The following LAMB3 variants were observed in gnomAD, a reference collection of about 807,000 sequenced individuals.
The protein encoded by LAMB3 is laminin subunit beta 3, also known as laminin subunit beta-3.
Under a neutral mutation model 140.3 loss-of-function variants are expected in LAMB3, and 104 were observed. That is an observed-to-expected ratio of 0.74 (90% CI 0.63 to 0.87). The LOEUF (loss-of-function observed/expected upper bound fraction) is 0.87, where lower values mean the gene tolerates loss of function less well. Ranked by LOEUF, LAMB3 falls within the 40% of genes least tolerant of loss-of-function variation. The pLI is 0.00. For synonymous variants in LAMB3, 592 were observed against 602.9 expected (o/e 0.98, Z 0.26); for missense variants, 1,531 against 1,575.2 (o/e 0.97, Z 0.47).
chr1:209,629,039 C>T (rs1309156601), intron 10 of LAMB3, among the ~76,000 whole-genome samples: 1 of 152,192 alleles, frequency 6.6e-6, no homozygotes, highest in African/African-American at 2.4e-5. Context: ...AGTGACTCAG[C>T]TTTCCCCAAC....
intron 3 of LAMB3, among the ~76,000 whole-genome samples, chr1:209,646,251 C>G (rs760692261): frequency 6.6e-6 from 1 of 152,128 alleles, no homozygotes; most frequent in Non-Finnish European, 1.5e-5. Flanking sequence ...CAGAGATGAC[C>G]GAAGGGCATG....
chr1:209,645,186 T>C (rs1263099271), intron 3 of LAMB3, among the ~76,000 whole-genome samples: 3 of 152,036 alleles, frequency 2.0e-5, no homozygotes, highest in Non-Finnish European at 4.4e-5. Context: ...TTCTATCCCC[T>C]CAAAACAAGA....
intron 10 of LAMB3, among the ~76,000 whole-genome samples, chr1:209,628,725 G>T (rs1479268678): frequency 6.7e-6 from 1 of 148,948 alleles, no homozygotes; most frequent in African/African-American, 2.5e-5. Context: ...GAGAGAGAAA[G>T]AAATGAGTAA....
In LAMB3 at chr1:209,634,520, C is replaced by A. The variant is rs754855375; in HGVS notation, c.491G>T (p.Arg164Leu). ...TSTFPRVRQGRPQSWQDVRCQ... is the reference protein window; with the variant it reads ...TSTFPRVRQGLPQSWQDVRCQ... ...CCGAACATCCTGCCAGCTCTGAGGC[C>A]GACCCTGGCGGACCCGAGGGAAGGT... The change falls in exon 6 of 23, where the codon CGG becomes CTG. Residue 164 changes from arginine (R) to leucine (L), a missense_variant. Physicochemically the swap from Arg to Leu is moderately radical, Grantham distance 102. Transcript: ENST00000356082. 2 of 1,613,924 alleles carry A rather than the reference C, an allele frequency of 1.2e-6. No individual in the cohort carries two copies. The highest frequency in any genetic ancestry group is 1.7e-6 in the Non-Finnish European group (2 of 1,180,016).
intron 8 of LAMB3, among the ~76,000 whole-genome samples, chr1:209,631,264 C>T (rs1024574674): frequency 2.2e-4 from 33 of 152,236 alleles, no homozygotes; most frequent in Admixed American, 2.2e-3. Flanking sequence ...ATTCAAGGAC[C>T]TGTATCATGT....
Position 209,630,704 on chromosome 1 carries a change from G to A in LAMB3, c.854C>T (p.Thr285Ile). 6.2e-7 allele frequency: 1 copy of A among 1,614,106 alleles called. No homozygotes were observed. Among genetic ancestry groups the A allele is most frequent in the African/African-American group, 1.3e-5 (1 of 75,052 alleles). ...ACAGCGCTCACAATTTGGGCCGGCA[G>A]TGTTGTGCTGGCAGACACAGACATC... ...VHDVCVCQHN[T>I]AGPNCERCAP... The change falls in exon 9 of 23, where the codon ACT becomes ATT. Residue 285 changes from threonine to isoleucine, a missense_variant. Physicochemically the swap from Thr to Ile is moderately conservative, Grantham distance 89. Coordinates refer to ENST00000356082, the MANE Select transcript of LAMB3 (RefSeq NM_000228.3).
intron 17 of LAMB3, 137 bp from the exon 18 acceptor site, chr1:209,622,817 G>T: frequency 7.3e-7 from 1 of 1,362,802 alleles, no homozygotes; most frequent in Non-Finnish European, 1.0e-6. Flanking sequence ...ACATGTGGAT[G>T]TTCAGTAAAA....
chr1:209,644,532 A>C (rs1270274491), intron 3 of LAMB3, among the ~76,000 whole-genome samples: 3 of 152,170 alleles, frequency 2.0e-5, no homozygotes, highest in Non-Finnish European at 2.9e-5. Context: ...CAAGCCCATA[A>C]AGTTAGCAAG....
chr1:209,629,049 C>T (rs980080584), intron 10 of LAMB3, among the ~76,000 whole-genome samples: 6 of 152,194 alleles, frequency 3.9e-5, no homozygotes, highest in African/African-American at 1.2e-4. Context: ...CTTTCCCCAA[C>T]CCCCACTCCC....
rs1296684854 is a variant in LAMB3 at position 209,638,581 on chromosome 1, T to C, written c.251A>G (p.Asn84Ser). 6.2e-7 allele frequency: 1 copy of C among 1,614,088 alleles called. No homozygotes were observed. Among genetic ancestry groups the C allele is most frequent in the Admixed American group, 1.7e-5 (1 of 60,012 alleles). The change falls in exon 4 of 23, where the codon AAT becomes AGT. Residue 84 changes from asparagine to serine, a missense_variant. Coordinates refer to ENST00000356082, the MANE Select transcript of LAMB3 (RefSeq NM_000228.3). ...PHNYYSHRVE[N>S]VASSSGPMRW... The stretch of plus-strand genomic sequence containing the variant: ...CATGGGGCCGGAGGATGAAGCCACA[T>C]TCTCTACTCGGTGACTGTAGTAGTT...
chr1:209,621,053 T>G (rs1044863556), intron 18 of LAMB3, among the ~76,000 whole-genome samples: 2 of 152,192 alleles, frequency 1.3e-5, no homozygotes, highest in African/African-American at 4.8e-5. Context: ...TCATAAGACT[T>G]GACCTGAGAT....
At chr1:209,624,252 C>T (rs555520610) in intron 14 of LAMB3, among the ~76,000 whole-genome samples, 198 of 152,306 alleles carry the variant, frequency 1.3e-3, no homozygotes, top group African/African-American at 4.4e-3. Context: ...CCAACATTCC[C>T]AATTCTCCTC....
rs1666833246 is a variant in LAMB3 at position 209,634,706 on chromosome 1, G to C, written c.373-68C>G. On this transcript the variant is annotated intron_variant, in intron 5 of 22. Transcript: ENST00000356082. ...TGTGCCCCGTGGAGACACAAGCAGA[G>C]AGACAGGCTCCTCCAGTGAACTCGG... 1.1e-5 allele frequency: 15 copies of C among 1,315,734 alleles called. No individual in the cohort carries two copies. In the South Asian group the frequency reaches 1.4e-4, roughly 12 times the overall value. The allele number at this position is 1,315,734 out of a possible 1,614,324, so 81.5% of individuals were successfully genotyped here. A position where few individuals can be genotyped will look rare whatever the true frequency, so the allele number is the denominator to read the frequency against.
At position 209,615,094 on chromosome 1, in the gene LAMB3, G is replaced by T; in HGVS notation, c.*177C>A. On this transcript the variant is annotated 3_prime_UTR_variant, in exon 23 of 23. Coordinates refer to ENST00000356082, the MANE Select transcript of LAMB3 (RefSeq NM_000228.3). ...GTCTGTCAAGTGTAACTGTCCCATT[G>T]GCTCAGGCTCAGCTGCAGCTCAGGG... 1 of 674,886 alleles carries T rather than the reference G, an allele frequency of 1.5e-6. No individual in the cohort carries two copies. The highest frequency in any genetic ancestry group is 2.5e-6 in the Non-Finnish European group (1 of 397,032). The allele number at this position is 674,886 out of a possible 1,614,324, so 41.8% of individuals were successfully genotyped here. A position where few individuals can be genotyped will look rare whatever the true frequency, so the allele number is the denominator to read the frequency against.
At chr1:209,638,972 GA>G (rs1185835447) in intron 3 of LAMB3, among the ~76,000 whole-genome samples, 27 of 111,290 alleles carry the variant, frequency 2.4e-4, no homozygotes, top group African/African-American at 9.3e-4. Context: ...AAAGTGCCGA[GA>G]AAAAAAAAAG....
Position 209,629,886 on chromosome 1 carries a change from T to C in LAMB3, c.983A>G (p.Asp328Gly), listed in dbSNP as rs1666614314. 6.2e-7 allele frequency: 1 copy of C among 1,613,758 alleles called. No individual in the cohort carries two copies. Among genetic ancestry groups the C allele is most frequent in the Non-Finnish European group, 8.5e-7 (1 of 1,179,974 alleles). ...CNGHSETCHFDPAVFAASQGA... is the reference protein window; with the variant it reads ...CNGHSETCHFGPAVFAASQGA... ...CTGGCTGGCGGCAAACACAGCGGGG[T>C]CAAAGTGACATGTCTCTGAGTGCCC... Residue 328 changes from aspartate (D) to glycine (G), a missense_variant, in exon 10 of 23, where the codon GAC (aspartate) becomes GGC (glycine). Asp to Gly is a moderately conservative substitution (Grantham distance 94). Transcript: ENST00000356082.
chr1:209,643,460 T>A (rs910128696), intron 3 of LAMB3, among the ~76,000 whole-genome samples: 1 of 152,192 alleles, frequency 6.6e-6, no homozygotes, highest in Admixed American at 6.5e-5. Context: ...GGCTCCTACT[T>A]GCTCTCCAGC....
rs2102423096 is a variant in LAMB3 at position 209,626,985 on chromosome 1, G to A, written c.1486-7C>T. On this transcript the variant is annotated splice_polypyrimidine_tract_variant and splice_region_variant and intron_variant, in intron 12 of 22. Transcript: ENST00000356082. ...AGGGGCACTGCCCTGTGAACTGCGTGGGGAGAGCACCGTCAGTGGACCCTG... is the reference window on the plus strand; with the variant it reads ...AGGGGCACTGCCCTGTGAACTGCGTAGGGAGAGCACCGTCAGTGGACCCTG... 1 of 1,598,214 alleles carries A rather than the reference G, an allele frequency of 6.3e-7. No individual in the cohort carries two copies. The highest frequency in any genetic ancestry group is 1.1e-5 in the South Asian group (1 of 90,216).
At chr1:209,633,218 T>C in intron 6 of LAMB3, 85 bp from the exon 7 acceptor site, 1 of 974,548 alleles carries the variant, frequency 1.0e-6, no homozygotes, top group Non-Finnish European at 1.7e-6. Context: ...TTCCATTATA[T>C]GCCTCACACT....
Sources: allele counts gnomAD v4.1 joint callset (sites outside exome capture counted in the v4.1 genomes callset), GRCh38; gene constraint gnomAD v4.1.1; transcripts MANE v1.5; gene names NCBI Gene and HGNC (gene_info 2026-07-23, HGNC 2026-07-21).